PCDH11X: variants seen among roughly 807,000 people sequenced by gnomAD.
PCDH11X encodes the protein protocadherin-11 X-linked.
PCDH11X carries 18 observed loss-of-function variants against 53.3 expected under a neutral mutation model. That is an observed-to-expected ratio of 0.34 (90% CI 0.23 to 0.50). PCDH11X has a LOEUF of 0.50. PCDH11X is among the 20% of genes least tolerant of loss of function. The pLI is 0.98. For missense variants in PCDH11X, 570 were observed against 1,032.4 expected (o/e 0.55, Z 6.14); for synonymous variants, 279 against 393.3 (o/e 0.71, Z 3.44).
Position 92,253,831 on chromosome X carries a change from T to A in PCDH11X, c.3115-9283T>A, listed in dbSNP as rs186160267. On this transcript the variant is annotated intron_variant, in intron 7 of 10. Transcript: ENST00000682573. ...CTGAATTTATTTATCAGTTCAATAG[T>A]TTTCTTGTGGAGTCTAGGTTTTCCA... is the stretch of plus-strand genomic sequence containing the variant. 4.5e-5 allele frequency among the ~76,000 whole-genome samples: 5 copies of A among 112,132 alleles called. No homozygotes were observed. In the East Asian group the frequency reaches 1.1e-3, roughly 25 times the overall value.
intron 6 of PCDH11X, among the ~76,000 whole-genome samples, chrX:91,977,812 TG>T (rs2062066283): frequency 9.0e-6 from 1 of 111,613 alleles, no homozygotes; most frequent in African/African-American, 3.3e-5. Context: ...ATGTAATACC[TG>T]GGGGCAGGGT....
chrX:92,170,263 G>C (rs1348462934), intron 6 of PCDH11X, among the ~76,000 whole-genome samples: 1 of 110,128 alleles, frequency 9.1e-6, no homozygotes. Context: ...ATAAATTTAA[G>C]GGAAAATATT....
intron 10 of PCDH11X, among the ~76,000 whole-genome samples, chrX:92,499,186 A>G (rs1303208106): frequency 1.9e-5 from 2 of 107,430 alleles, no homozygotes; most frequent in African/African-American, 6.7e-5. Context: ...CTTTTTAAAA[A>G]TCAGAATATA....
intron 8 of PCDH11X, among the ~76,000 whole-genome samples, chrX:92,264,519 A>G (rs1246932491): frequency 1.8e-5 from 2 of 111,360 alleles, no homozygotes; most frequent in Non-Finnish European, 3.8e-5. Context: ...ATATTATATT[A>G]TGTGTATATT....
intron 8 of PCDH11X, among the ~76,000 whole-genome samples, chrX:92,319,551 G>A (rs1257211909): frequency 9.1e-6 from 1 of 110,393 alleles, no homozygotes; most frequent in African/African-American, 3.3e-5. Context: ...GTAGAGACAG[G>A]GTCTCACTAT....
intron 10 of PCDH11X, among the ~76,000 whole-genome samples, chrX:92,553,337 C>G (rs747340933): frequency 4.6e-5 from 5 of 107,671 alleles, no homozygotes; most frequent in African/African-American, 1.7e-4. Flanking sequence ...TTGTCTATTT[C>G]TTCTAGATTT....
intron 8 of PCDH11X, among the ~76,000 whole-genome samples, chrX:92,263,809 C>T (rs2067768840): frequency 8.9e-6 from 1 of 112,230 alleles, no homozygotes; most frequent in African/African-American, 3.2e-5. Flanking sequence ...CTATCTCATA[C>T]ATATTGTTAA....
intron 6 of PCDH11X, among the ~76,000 whole-genome samples, chrX:91,993,718 A>C (rs2062365100): frequency 9.0e-6 from 1 of 111,632 alleles, no homozygotes; most frequent in South Asian, 3.7e-4. Flanking sequence ...TCAGGGCCTG[A>C]AAATCTGCAG....
At chrX:92,265,884 T>C (rs1377367470) in intron 8 of PCDH11X, among the ~76,000 whole-genome samples, 1 of 112,403 alleles carries the variant, frequency 8.9e-6, no homozygotes, top group Non-Finnish European at 1.9e-5. Context: ...TAACATTTAA[T>C]ATATTTAACG....
chrX:92,035,869 T>A (rs1403817418), intron 6 of PCDH11X, among the ~76,000 whole-genome samples: 1 of 8,163 alleles, frequency 1.2e-4, no homozygotes, highest in East Asian at 3.3e-3. Context: ...CTACGTTGAC[T>A]TTTCAAATAG....
chrX:92,202,725 TA>T (rs141811579), intron 7 of PCDH11X, among the ~76,000 whole-genome samples: 7,392 of 111,705 alleles, frequency 0.066, 316 homozygotes, highest in East Asian at 0.19. Context: ...TAAGAGGACT[TA>T]AAAAAATGGG....
intron 6 of PCDH11X, among the ~76,000 whole-genome samples, chrX:92,122,270 CTG>C (rs375648150): frequency 1.4e-3 from 161 of 111,315 alleles, no homozygotes; most frequent in African/African-American, 4.0e-3. Context: ...GTGTGAGTCA[CTG>C]TGCCCAGCCG....
At chrX:92,116,329 G>A (rs1466953671) in intron 6 of PCDH11X, among the ~76,000 whole-genome samples, 3 of 111,152 alleles carry the variant, frequency 2.7e-5, no homozygotes, top group African/African-American at 6.5e-5. Flanking sequence ...TTTACTCATG[G>A]TGGCACATTA....
At chrX:92,062,293 T>C in intron 6 of PCDH11X, among the ~76,000 whole-genome samples, 1 of 111,535 alleles carries the variant, frequency 9.0e-6, no homozygotes, top group Non-Finnish European at 1.9e-5. Flanking sequence ...TCTCTTTTTA[T>C]TAAGATGCCT....
At chrX:92,218,702 C>T (rs1238470709) in intron 7 of PCDH11X, among the ~76,000 whole-genome samples, 1 of 111,459 alleles carries the variant, frequency 9.0e-6, no homozygotes, top group Non-Finnish European at 1.9e-5. Context: ...TTTTATGAGG[C>T]CAGCATCATC....
intron 5 of PCDH11X, among the ~76,000 whole-genome samples, chrX:91,860,864 C>A (rs1274812931): frequency 6.3e-5 from 7 of 111,821 alleles, no homozygotes; most frequent in Admixed American, 3.8e-4. Context: ...ATTCAGTTTG[C>A]CAGTATTTTA....
Position 91,960,386 on chromosome X carries a change from A to C in PCDH11X, c.3033+81113A>C, listed in dbSNP as rs770150481. The stretch of plus-strand genomic sequence containing the variant: ...CTTTTCCCTGATGTTTTCTTCTAGG[A>C]GTTTTTGGTGTCAGTTTGTGTTTTT... On this transcript the variant is annotated intron_variant, in intron 6 of 10. Transcript: ENST00000682573. 3.6e-5 allele frequency among the ~76,000 whole-genome samples: 4 copies of C among 110,486 alleles called. No homozygotes were observed. In the South Asian group the frequency reaches 1.5e-3, roughly 42 times the overall value.
At chrX:92,436,441 A>T (rs917795272) in intron 9 of PCDH11X, among the ~76,000 whole-genome samples, 3 of 112,050 alleles carry the variant, frequency 2.7e-5, no homozygotes, top group African/African-American at 6.5e-5. Context: ...TTAAAAACAG[A>T]ACTACTATTT....
chrX:92,218,352 T>C (rs751163546), intron 7 of PCDH11X, among the ~76,000 whole-genome samples: 6 of 110,739 alleles, frequency 5.4e-5, no homozygotes, highest in African/African-American at 2.0e-4. Flanking sequence ...CAATAAAAAA[T>C]GATAAAGGGG....
Sources: allele counts gnomAD v4.1 joint callset (sites outside exome capture counted in the v4.1 genomes callset), GRCh38; gene constraint gnomAD v4.1.1; transcripts MANE v1.5; gene names NCBI Gene and HGNC (gene_info 2026-07-23, HGNC 2026-07-21).